ULK2: variants seen among roughly 807,000 people sequenced by gnomAD.
ULK2 encodes the protein serine/threonine-protein kinase ULK2.
ULK2 carries 76 observed loss-of-function variants against 127.5 expected under a neutral mutation model. The ratio of observed to expected loss-of-function variants is 0.60; its 90% confidence interval spans 0.50 to 0.72. The LOEUF (loss-of-function observed/expected upper bound fraction) is 0.72, where lower values mean the gene tolerates loss of function less well. Ranked by LOEUF, ULK2 falls within the 30% of genes least tolerant of loss-of-function variation. The pLI is 0.00. For missense variants in ULK2, 1,144 were observed against 1,295.9 expected (o/e 0.88, Z 1.80); for synonymous variants, 452 against 461.9 (o/e 0.98, Z 0.28).
In ULK2 at chr17:19,797,557, C is replaced by G. The variant is rs369831149; in HGVS notation, c.1648G>C (p.Val550Leu). The G allele has an allele frequency of 1.2e-6, 2 of 1,613,638 alleles. No individual in the cohort carries two copies. The highest frequency in any genetic ancestry group is 3.3e-5 in the Admixed American group (2 of 59,956). Residue 550 changes from valine (V) to leucine (L), a missense_variant, in exon 18 of 27, where the codon GTG becomes CTG. Transcript: ENST00000395544. ...CCAGCCCCAGTATGGGATGGGCACA[C>G]GGGGTCAGAGTGCTGTTTTCTGAGC... ...QKLRKQHSDP[V>L]CPSHTGAGYS...
intron 13 of ULK2, chr17:19,810,893 G>A (rs157407): frequency 0.84 from 128,384 of 152,364 alleles, 55,696 homozygotes; most frequent in Non-Finnish European, 0.95. Context: ...CTCTAGTTCC[G>A]TAAAATGTCG....
In ULK2 at chr17:19,838,590, G is replaced by T. The variant is rs368791340; in HGVS notation, c.705-7C>A. ...TGATGTTTCTCTGGGAATACTGGGGGAAAGGAAAAACACAACCACCTAAGT... is the reference window on the plus strand; with the variant it reads ...TGATGTTTCTCTGGGAATACTGGGGTAAAGGAAAAACACAACCACCTAAGT... On this transcript the variant is annotated splice_polypyrimidine_tract_variant and splice_region_variant and intron_variant, in intron 9 of 26. Coordinates refer to ENST00000395544, the MANE Select transcript of ULK2 (RefSeq NM_014683.4). 5.0e-6 allele frequency: 8 copies of T among 1,609,912 alleles called. No individual in the cohort carries two copies. The highest frequency in any genetic ancestry group is 4.0e-5 in the African/African-American group (3 of 74,636).
At position 19,780,514 on chromosome 17, in the gene ULK2, A is replaced by G. The variant is rs372929352; in HGVS notation, c.2874T>C (p.Ser958=). 1.2e-6 allele frequency: 2 copies of G among 1,613,348 alleles called. No individual in the cohort carries two copies. The highest frequency in any genetic ancestry group is 1.7e-6 in the Non-Finnish European group (2 of 1,179,846). ...TATAGATGAGTTTCTCTGCAGTCAC[A>G]CTGTTGATTTCATCAATAAACCTCT... ...DKQRFIDEIN[S]VTAEKLIYNC... The change falls in exon 25 of 27, where the codon AGT becomes AGC. Residue 958 remains serine, a synonymous_variant. Transcript: ENST00000395544.
At chr17:19,778,121 G>A (rs2086845716) in intron 25 of ULK2, among the ~76,000 whole-genome samples, 1 of 152,126 alleles carries the variant, frequency 6.6e-6, no homozygotes, top group Non-Finnish European at 1.5e-5. Flanking sequence ...GGCTTTACTG[G>A]CTTCTTTTTC....
rs544731112 is a variant in ULK2 at position 19,786,062 on chromosome 17, A to C, written c.2126T>G (p.Val709Gly). ...DIAPAGACGG[V>G]LAPPAGTAAS... ...TGCTGTACCTGCAGGAGGTGCCAGA[A>C]CACCACCACAGGCTCCTGCCGGAGC... Residue 709 changes from valine to glycine, a missense_variant, in exon 21 of 27, where the codon GTT becomes GGT. Val to Gly is a moderately radical substitution (Grantham distance 109, BLOSUM62 -3). Transcript: ENST00000395544. 20 of 1,568,448 alleles carry C rather than the reference A, an allele frequency of 1.3e-5. No homozygotes were observed. The highest frequency in any genetic ancestry group is 2.4e-5 in the East Asian group (1 of 41,094).
chr17:19,834,666 C>T (rs2041546535), intron 10 of ULK2, among the ~76,000 whole-genome samples: 1 of 152,088 alleles, frequency 6.6e-6, no homozygotes, highest in Admixed American at 6.5e-5. Flanking sequence ...AATTCCAGCA[C>T]TCTGGGAGGC....
intron 20 of ULK2, among the ~76,000 whole-genome samples, chr17:19,786,953 G>C (rs767731313): frequency 1.3e-5 from 2 of 151,470 alleles, no homozygotes; most frequent in African/African-American, 2.4e-5. Flanking sequence ...CATGTATACA[G>C]TTGCACTGTC....
chr17:19,831,381 T>C (rs905568506), intron 10 of ULK2, among the ~76,000 whole-genome samples: 1 of 152,022 alleles, frequency 6.6e-6, no homozygotes, highest in African/African-American at 2.4e-5. Context: ...TACCAACTCT[T>C]AAGCAACCAT....
chr17:19,818,797 C>CTTTTTTTTTTTTTTTT (rs71157835), intron 12 of ULK2, among the ~76,000 whole-genome samples: 28 of 77,736 alleles, frequency 3.6e-4, no homozygotes, highest in Non-Finnish European at 4.4e-4. Context: ...TTTCTTTTTT[C>CTTTTTTTTTTTTTTTT]TTTTTTTTTT....
intron 3 of ULK2, among the ~76,000 whole-genome samples, chr17:19,858,952 A>G (rs1303471163): frequency 6.6e-6 from 1 of 152,134 alleles, no homozygotes; most frequent in African/African-American, 2.4e-5. Flanking sequence ...CCTGGGCAAC[A>G]GAGTGAAACT....
At position 19,771,850 on chromosome 17, in the gene ULK2, T is replaced by C. The variant is rs546416290; in HGVS notation, c.*4499A>G. ...ACGGTTTCCAATAAACAAGAGCTCA[T>C]GTGGGCACTTCCTAATGACAGAAGC... On this transcript the variant is annotated 3_prime_UTR_variant, in exon 27 of 27. Transcript: ENST00000395544. 2 of 152,314 alleles carry C rather than the reference T, an allele frequency of 1.3e-5. No individual in the cohort carries two copies. Among genetic ancestry groups the C allele is most frequent in the East Asian group, 1.9e-4 (1 of 5,186 alleles). 9.4% of individuals were successfully genotyped at this position (152,314 alleles called of 1,614,324 possible). A position where few individuals can be genotyped will look rare whatever the true frequency, so the allele number is the denominator to read the frequency against.
intron 20 of ULK2, among the ~76,000 whole-genome samples, chr17:19,789,207 C>T (rs1403625777): frequency 1.3e-5 from 2 of 151,972 alleles, no homozygotes; most frequent in African/African-American, 4.8e-5. Context: ...GTTTGCATCA[C>T]CCCACCCCCA....
chr17:19,812,664 A>G (rs762862730), intron 13 of ULK2, among the ~76,000 whole-genome samples: 3 of 152,246 alleles, frequency 2.0e-5, no homozygotes, highest in Non-Finnish European at 2.9e-5. Flanking sequence ...GCATATTGCT[A>G]ATACAGAAAA....
At chr17:19,788,383 A>G (rs987731183) in intron 20 of ULK2, among the ~76,000 whole-genome samples, 1 of 151,844 alleles carries the variant, frequency 6.6e-6, no homozygotes, top group Non-Finnish European at 1.5e-5. Flanking sequence ...GCTCAGCCAC[A>G]GTAGGACGAG....
intron 13 of ULK2, among the ~76,000 whole-genome samples, chr17:19,814,225 T>C (rs1395532995): frequency 6.6e-6 from 1 of 151,086 alleles, no homozygotes; most frequent in African/African-American, 2.4e-5. Flanking sequence ...GAGTTACAGG[T>C]AAAATTAAAT....
intron 20 of ULK2, among the ~76,000 whole-genome samples, chr17:19,794,993 G>A (rs1293877541): frequency 6.6e-6 from 1 of 151,960 alleles, no homozygotes; most frequent in Non-Finnish European, 1.5e-5. Context: ...GCAGGAGAAT[G>A]GTGTGAACCC....
chr17:19,802,490 T>C (rs1466555840), intron 15 of ULK2, among the ~76,000 whole-genome samples: 1 of 152,210 alleles, frequency 6.6e-6, no homozygotes, highest in African/African-American at 2.4e-5. Context: ...GTAAGAAGCA[T>C]GGCATTATTT....
chr17:19,842,316 G>A (rs2041783490), intron 8 of ULK2, among the ~76,000 whole-genome samples: 2 of 148,550 alleles, frequency 1.3e-5, no homozygotes, highest in Non-Finnish European at 3.0e-5. Flanking sequence ...TCCTGCCTCA[G>A]CCTCCCTAGT....
chr17:19,833,762 T>C (rs1194198257), intron 10 of ULK2, among the ~76,000 whole-genome samples: 3 of 152,004 alleles, frequency 2.0e-5, no homozygotes, highest in Non-Finnish European at 4.4e-5. Context: ...ATATTTCCAA[T>C]CTGAAAAACT....
Sources: gnomAD v4.1 joint callset for allele counts (sites outside exome capture counted in the v4.1 genomes callset) on GRCh38, gnomAD v4.1.1 for gene constraint, MANE v1.5 for transcripts, NCBI Gene and HGNC (gene_info 2026-07-23, HGNC 2026-07-21) for gene names.